Variants in CDC42BPA observed in about 807,000 individuals in gnomAD.
CDC42BPA encodes serine/threonine-protein kinase MRCK alpha.
Under a neutral mutation model 223.5 loss-of-function variants are expected in CDC42BPA, and 80 were observed. The observed-to-expected ratio is 0.36, with a 90% CI of 0.30 to 0.43. CDC42BPA has a LOEUF of 0.43. Among genes scored for constraint, CDC42BPA ranks in the 20% least tolerant of loss-of-function variants. The pLI is 1.00. For synonymous variants in CDC42BPA, 694 were observed against 718.6 expected (o/e 0.97, Z 0.55); for missense variants, 1,743 against 2,099.9 (o/e 0.83, Z 3.32).
intron 5 of CDC42BPA, among the ~76,000 whole-genome samples, chr1:227,178,152 A>G (rs994093143): frequency 9.9e-5 from 15 of 152,174 alleles, no homozygotes; most frequent in African/African-American, 3.6e-4. Context: ...TTGCTGGTTT[A>G]GCTCTGTGTC....
intron 29 of CDC42BPA, 126 bp from the exon 30 acceptor site, chr1:227,029,376 A>AG: frequency 1.6e-6 from 1 of 642,156 alleles, no homozygotes; most frequent in Non-Finnish European, 2.6e-6. Context: ...CAGAAGTCAC[A>AG]GGAAAAAAAG....
In CDC42BPA at chr1:227,072,191, AAC is replaced by A; in HGVS notation, c.2827+15_2827+16del. 2.8e-6 allele frequency: 4 copies of A among 1,450,810 alleles called. No homozygotes were observed. Among genetic ancestry groups the A allele is most frequent in the Non-Finnish European group, 3.8e-6 (4 of 1,048,832 alleles). 89.9% of individuals were successfully genotyped at this position (1,450,810 alleles called of 1,614,324 possible). A position where few individuals can be genotyped will look rare whatever the true frequency, so the allele number is the denominator to read the frequency against. On this transcript the variant is annotated intron_variant, in intron 20 of 36. Transcript: ENST00000366766. ...ATAACAGTAAGTCCTGAGTGAGGCAAACACACACTCCCATACCCTTTTCAGAT... is the reference window on the plus strand; with the variant it reads ...ATAACAGTAAGTCCTGAGTGAGGCAAACACACTCCCATACCCTTTTCAGAT...
In CDC42BPA at chr1:227,188,467, T is replaced by C. The variant is rs540244183; in HGVS notation, c.599+5319A>G. ...CAGCTTCATTCACAATTCCCAAAACTTAGAAGCAACCAAGATGTCCTTAAG... is the reference window on the plus strand; with the variant it reads ...CAGCTTCATTCACAATTCCCAAAACCTAGAAGCAACCAAGATGTCCTTAAG... On this transcript the variant is annotated intron_variant, in intron 5 of 36. Transcript: ENST00000366766. Among the ~76,000 whole-genome samples, 4 of 151,590 alleles carry C rather than the reference T, an allele frequency of 2.6e-5. No homozygotes were observed. The South Asian group carries it at 8.3e-4, about 32-fold the overall frequency.
chr1:227,116,596 T>C (rs1018510207), intron 12 of CDC42BPA, among the ~76,000 whole-genome samples: 9 of 152,188 alleles, frequency 5.9e-5, no homozygotes, highest in African/African-American at 2.2e-4. Context: ...GTCTTTTCTG[T>C]ATGAAATTTT....
At chr1:227,092,295 T>C (rs1204025170) in intron 15 of CDC42BPA, among the ~76,000 whole-genome samples, 1 of 152,148 alleles carries the variant, frequency 6.6e-6, no homozygotes, top group Non-Finnish European at 1.5e-5. Flanking sequence ...TATATTCTGG[T>C]AGAGGCAGAC....
At chr1:227,093,848 A>T (rs1683511348) in intron 15 of CDC42BPA, among the ~76,000 whole-genome samples, 1 of 152,206 alleles carries the variant, frequency 6.6e-6, no homozygotes, top group African/African-American at 2.4e-5. Context: ...AGGCAGCAAA[A>T]GACAGTGCTG....
chr1:227,002,936 T>A (rs1663171753), intron 35 of CDC42BPA, among the ~76,000 whole-genome samples: 1 of 152,152 alleles, frequency 6.6e-6, no homozygotes, highest in Non-Finnish European at 1.5e-5. Context: ...TGAGGCAGTG[T>A]GAGATAATAA....
intron 14 of CDC42BPA, among the ~76,000 whole-genome samples, chr1:227,106,331 A>T (rs963414121): frequency 6.6e-6 from 1 of 152,104 alleles, no homozygotes; most frequent in Non-Finnish European, 1.5e-5. Flanking sequence ...TATAATCTGG[A>T]TATTAAATTG....
chr1:227,123,249 C>T (rs1389698515), intron 11 of CDC42BPA, among the ~76,000 whole-genome samples: 2 of 152,152 alleles, frequency 1.3e-5, no homozygotes, highest in African/African-American at 4.8e-5. Context: ...CTGCAGTGAG[C>T]CAAGATTGCA....
At position 227,233,877 on chromosome 1, in the gene CDC42BPA, T is replaced by C. The variant is rs548193217; in HGVS notation, c.270+20187A>G. Among the ~76,000 whole-genome samples, 8 of 150,720 alleles carry C rather than the reference T, an allele frequency of 5.3e-5. No homozygotes were observed. In the East Asian group the frequency reaches 1.6e-3, roughly 30 times the overall value. ...GAACCTAGGAGGTGGAAGTTGCAGT[T>C]AGCCGAGATCACACTGCTGCACTCC... On this transcript the variant is annotated intron_variant, in intron 2 of 36. Coordinates refer to ENST00000366766, the MANE Select transcript of CDC42BPA (RefSeq NM_001394014.1).
intron 1 of CDC42BPA, among the ~76,000 whole-genome samples, chr1:227,298,947 C>T (rs1691172082): frequency 6.6e-6 from 1 of 152,172 alleles, no homozygotes; most frequent in African/African-American, 2.4e-5. Flanking sequence ...TAGCTCTTTA[C>T]ATTCTAGAGG....
At chr1:227,075,429 A>T (rs1439044202) in intron 17 of CDC42BPA, among the ~76,000 whole-genome samples, 1 of 152,166 alleles carries the variant, frequency 6.6e-6, no homozygotes, top group Non-Finnish European at 1.5e-5. Flanking sequence ...CCTTTAAAAG[A>T]GGCTTGTTGC....
chr1:227,244,332 G>A (rs1680528162), intron 2 of CDC42BPA, among the ~76,000 whole-genome samples: 1 of 152,068 alleles, frequency 6.6e-6, no homozygotes, highest in African/African-American at 2.4e-5. Context: ...GTGAACCAGT[G>A]AAAAACAAGA....
intron 17 of CDC42BPA, among the ~76,000 whole-genome samples, chr1:227,080,055 G>A (rs75145489): frequency 2.0e-5 from 3 of 152,110 alleles, no homozygotes; most frequent in East Asian, 1.9e-4. Context: ...ACAAAGTCAT[G>A]TCTAAAATTT....
chr1:227,213,675 A>T (rs922562557), intron 2 of CDC42BPA, among the ~76,000 whole-genome samples: 3 of 152,144 alleles, frequency 2.0e-5, no homozygotes, highest in African/African-American at 7.2e-5. Flanking sequence ...TTTTGTGAGG[A>T]TCAAACAATA....
intron 5 of CDC42BPA, among the ~76,000 whole-genome samples, chr1:227,188,027 G>T (rs900029808): frequency 7.2e-5 from 11 of 151,918 alleles, no homozygotes; most frequent in African/African-American, 2.7e-4. Flanking sequence ...TCTTCAAAAA[G>T]AAGAAAAATG....
Position 227,138,494 on chromosome 1 carries a change from G to C in CDC42BPA, c.1390+1082C>G, listed in dbSNP as rs111639706. 7.9e-3 allele frequency among the ~76,000 whole-genome samples: 590 copies of C among 74,696 alleles called. 6 individuals are homozygous for C. The highest frequency in any genetic ancestry group is 0.031 in the African/African-American group (569 of 18,328). The allele number at this position is 74,696 out of a possible 152,430, so 49.0% of individuals were successfully genotyped here. A position where few individuals can be genotyped will look rare whatever the true frequency, so the allele number is the denominator to read the frequency against. On this transcript the variant is annotated intron_variant, in intron 10 of 36. Transcript: ENST00000366766. ...GGAAGGACAGGTTTATGAGGAAAAA[G>C]AAAACCAGGAGATAAAGTGCCCCAG... is the stretch of plus-strand genomic sequence containing the variant.
intron 1 of CDC42BPA, among the ~76,000 whole-genome samples, chr1:227,305,961 A>G (rs1321271202): frequency 6.6e-6 from 1 of 152,154 alleles, no homozygotes; most frequent in Non-Finnish European, 1.5e-5. Context: ...GCGAGACTCC[A>G]TCTCAAAAAA....
intron 5 of CDC42BPA, among the ~76,000 whole-genome samples, chr1:227,174,309 G>T (rs1367629909): frequency 6.6e-6 from 1 of 152,176 alleles, no homozygotes; most frequent in African/African-American, 2.4e-5. Context: ...GAGACTGAGA[G>T]AATTTTGAGT....
Sources: allele counts gnomAD v4.1 joint callset (sites outside exome capture counted in the v4.1 genomes callset), GRCh38; gene constraint gnomAD v4.1.1; transcripts MANE v1.5; gene names NCBI Gene and HGNC (gene_info 2026-07-23, HGNC 2026-07-21).